The following CSMD1 variants were observed in gnomAD, a reference collection of about 807,000 sequenced individuals.
CSMD1 encodes CUB and Sushi multiple domains 1.
In CSMD1, 213 loss-of-function variants were observed where a neutral mutation model predicts 417.5. The ratio of observed to expected loss-of-function variants is 0.51; its 90% CI spans 0.46 to 0.57. CSMD1 has a LOEUF of 0.57. Ranked by LOEUF, CSMD1 falls within the 20% of genes least tolerant of loss-of-function variation. The pLI, the probability that CSMD1 is intolerant of heterozygous loss-of-function variation, is 0.00. For synonymous variants in CSMD1, 2,862 were observed against 1,736.8 expected (o/e 1.65, Z -16.11); for missense variants, 6,923 against 4,529.7 (o/e 1.53, Z -15.17).
intron 3 of CSMD1, among the ~76,000 whole-genome samples, chr8:4,331,877 A>G (rs994295629): frequency 2.6e-5 from 4 of 152,172 alleles, no homozygotes; most frequent in Non-Finnish European, 5.9e-5. Flanking sequence ...TACATAATAC[A>G]TAGCTAGAGA....
At chr8:3,921,540 T>G in intron 5 of CSMD1, among the ~76,000 whole-genome samples, 1 of 152,152 alleles carries the variant, frequency 6.6e-6, no homozygotes, top group East Asian at 1.9e-4. Context: ...TTCTGTAAAC[T>G]TCCCTCTTAG....
At chr8:3,660,401 C>G (rs1798351540) in intron 7 of CSMD1, among the ~76,000 whole-genome samples, 1 of 151,068 alleles carries the variant, frequency 6.6e-6, no homozygotes, top group African/African-American at 2.4e-5. Context: ...CGTATGTTGG[C>G]ATTTCTTATT....
chr8:4,201,379 A>G lies in CSMD1; in HGVS notation c.416-169280T>C, dbSNP rs535567992. On this transcript the variant is annotated intron_variant, in intron 3 of 69. Transcript: ENST00000635120. ...CGGTGAAACCCCATCTCTACTAAAA[A>G]TACAAAAAATTAGCCGGGGGTGGCG... Among the ~76,000 whole-genome samples, 6 of 152,148 alleles carry G rather than the reference A, an allele frequency of 3.9e-5. No homozygotes were observed. The South Asian group carries it at 1.2e-3, about 32-fold the overall frequency.
chr8:4,188,017 A>G (rs567017739), intron 3 of CSMD1, among the ~76,000 whole-genome samples: 29 of 152,224 alleles, frequency 1.9e-4, no homozygotes, highest in African/African-American at 6.7e-4. Context: ...CCTTTTTTTA[A>G]AAAAAGACCT....
At chr8:3,928,952 C>G (rs574018594) in intron 5 of CSMD1, among the ~76,000 whole-genome samples, 4 of 150,322 alleles carry the variant, frequency 2.7e-5, no homozygotes, top group Non-Finnish European at 5.9e-5. Context: ...AAAATGAATG[C>G]TGTGGTTTTG....
rs567988470 is a variant in CSMD1 at position 3,319,430 on chromosome 8, G to C, written c.3632-10927C>G. 9.2e-5 allele frequency among the ~76,000 whole-genome samples: 14 copies of C among 152,276 alleles called. No individual in the cohort carries two copies. In the East Asian group the frequency reaches 2.1e-3, roughly 23 times the overall value. Reference sequence around the variant, plus strand: ...TTAAACATAATTGAAAACAGAGTTTGATAGCTTGAGTAATTAAATATTAAT... The same window carrying C: ...TTAAACATAATTGAAAACAGAGTTTCATAGCTTGAGTAATTAAATATTAAT... On this transcript the variant is annotated intron_variant, in intron 23 of 69. Transcript: ENST00000635120.
intron 2 of CSMD1, among the ~76,000 whole-genome samples, chr8:4,465,451 G>A (rs917144504): frequency 1.3e-5 from 2 of 152,128 alleles, no homozygotes; most frequent in Non-Finnish European, 2.9e-5. Context: ...ATCCTGCCTT[G>A]CCATATTATT....
chr8:3,292,374 G>T (rs1037841832), intron 25 of CSMD1, among the ~76,000 whole-genome samples: 1 of 151,916 alleles, frequency 6.6e-6, no homozygotes, highest in Non-Finnish European at 1.5e-5. Context: ...TCAATTCCTG[G>T]GTATCCTTGT....
intron 5 of CSMD1, among the ~76,000 whole-genome samples, chr8:3,823,192 C>G (rs1051679604): frequency 1.3e-5 from 2 of 152,104 alleles, no homozygotes; most frequent in Admixed American, 1.3e-4. Context: ...AGAGAACTCA[C>G]AGTTTGCAAT....
chr8:4,773,492 A>G (rs1053665806), intron 1 of CSMD1, among the ~76,000 whole-genome samples: 1 of 152,190 alleles, frequency 6.6e-6, no homozygotes, highest in Non-Finnish European at 1.5e-5. Flanking sequence ...TCATGGATAA[A>G]GAATACTCTC....
At position 3,078,750 on chromosome 8, in the gene CSMD1, C is replaced by G. The variant is rs1032184339; in HGVS notation, c.7474+8347G>C. On this transcript the variant is annotated intron_variant, in intron 49 of 69. Transcript: ENST00000635120. Reference sequence around the variant, plus strand: ...AGTGTCTGATTTCAGCTACCATGAACAAGAAGGGAAGTATGTTACCAGCTT... The same window carrying G: ...AGTGTCTGATTTCAGCTACCATGAAGAAGAAGGGAAGTATGTTACCAGCTT... Among the ~76,000 whole-genome samples the G allele has an allele frequency of 2.0e-5, 3 of 152,236 alleles. No individual in the cohort carries two copies. The East Asian group carries it at 5.8e-4, about 29-fold the overall frequency.
intron 29 of CSMD1, among the ~76,000 whole-genome samples, chr8:3,216,726 G>A (rs895403574): frequency 3.9e-5 from 6 of 152,166 alleles, no homozygotes; most frequent in Non-Finnish European, 7.3e-5. Context: ...ATTTTGTGTT[G>A]TCCGTGTCCG....
At chr8:3,361,465 A>AAAAAT (rs747314753) in intron 20 of CSMD1, among the ~76,000 whole-genome samples, 2 of 151,850 alleles carry the variant, frequency 1.3e-5, no homozygotes, top group Non-Finnish European at 2.9e-5. Context: ...TGTCTTTACT[A>AAAAAT]AAAATAAAAT....
intron 2 of CSMD1, among the ~76,000 whole-genome samples, chr8:4,429,304 T>G (rs55715745): frequency 6.6e-6 from 1 of 152,050 alleles, no homozygotes; most frequent in Admixed American, 6.6e-5. Context: ...TCAATTTTGC[T>G]TCACTGCTCT....
At chr8:2,966,819 A>G (rs1804002529) in intron 57 of CSMD1, 73 bp from the exon 58 acceptor site, 6 of 1,410,542 alleles carry the variant, frequency 4.3e-6, no homozygotes, top group Admixed American at 1.9e-5. Flanking sequence ...CAAGAGACCA[A>G]TGGGTATCAG....
At chr8:4,471,453 G>A (rs895928538) in intron 2 of CSMD1, among the ~76,000 whole-genome samples, 1 of 151,992 alleles carries the variant, frequency 6.6e-6, no homozygotes, top group Non-Finnish European at 1.5e-5. Flanking sequence ...CAAGCCTCTC[G>A]ACAAAATCAT....
chr8:4,037,771 G>C (rs1367663890), intron 3 of CSMD1, among the ~76,000 whole-genome samples: 8 of 152,184 alleles, frequency 5.3e-5, no homozygotes, highest in Non-Finnish European at 1.2e-4. Context: ...GCCGTTAATA[G>C]TTCTGAGGGC....
chr8:4,429,248 G>A (rs1487560515), intron 2 of CSMD1, among the ~76,000 whole-genome samples: 1 of 151,916 alleles, frequency 6.6e-6, no homozygotes, highest in East Asian at 1.9e-4. Context: ...AACATCATGA[G>A]ATTTCAACAG....
intron 26 of CSMD1, among the ~76,000 whole-genome samples, chr8:3,256,045 G>A (rs373655497): frequency 6.6e-6 from 1 of 152,132 alleles, no homozygotes; most frequent in Non-Finnish European, 1.5e-5. Context: ...GACAATGACT[G>A]AGCCGGGTGA....
Sources: gnomAD v4.1 joint callset for allele counts (sites outside exome capture counted in the v4.1 genomes callset) on GRCh38, gnomAD v4.1.1 for gene constraint, MANE v1.5 for transcripts, NCBI Gene and HGNC (gene_info 2026-07-23, HGNC 2026-07-21) for gene names.